PRKAR2B: variants seen among roughly 807,000 people sequenced by gnomAD.
PRKAR2B encodes the protein cAMP-dependent protein kinase type II-beta regulatory subunit.
PRKAR2B carries 14 observed loss-of-function variants against 49.9 expected under a neutral mutation model. The ratio of observed to expected loss-of-function variants is 0.28; its 90% CI spans 0.19 to 0.44. The LOEUF (loss-of-function observed/expected upper bound fraction) is 0.44, where lower values mean the gene tolerates loss of function less well. Ranked by LOEUF, PRKAR2B falls within the 20% of genes least tolerant of loss-of-function variation. PRKAR2B has a pLI of 1.00. For missense variants in PRKAR2B, 393 were observed against 537.9 expected (o/e 0.73, Z 2.67); for synonymous variants, 196 against 197.7 (o/e 0.99, Z 0.07).
intron 1 of PRKAR2B, among the ~76,000 whole-genome samples, chr7:107,056,303 T>G (rs1793909482): frequency 6.6e-6 from 1 of 152,202 alleles, no homozygotes; most frequent in Non-Finnish European, 1.5e-5. Context: ...ATTTGGGCTC[T>G]TTTTTGGTTC....
chr7:107,157,388 A>G (rs1270362391), intron 10 of PRKAR2B, 64 bp downstream of exon 10: 6 of 1,519,152 alleles, frequency 3.9e-6, no homozygotes, highest in Admixed American at 2.1e-5. Flanking sequence ...TTATGTATTC[A>G]TGTTGAGTGA....
intron 2 of PRKAR2B, among the ~76,000 whole-genome samples, chr7:107,118,014 A>G (rs889209163): frequency 6.6e-6 from 1 of 152,350 alleles, no homozygotes; most frequent in South Asian, 2.1e-4. Context: ...TGAATTGCCA[A>G]ACAAAAAGGA....
chr7:107,065,898 C>T (rs890429888), intron 1 of PRKAR2B, among the ~76,000 whole-genome samples: 7 of 152,188 alleles, frequency 4.6e-5, no homozygotes, highest in East Asian at 1.9e-4. Context: ...GAGACTTCTT[C>T]GGTTTATCCA....
chr7:107,076,980 CTTTTG>C (rs1794411306), intron 2 of PRKAR2B, among the ~76,000 whole-genome samples: 3 of 152,168 alleles, frequency 2.0e-5, no homozygotes, highest in East Asian at 1.9e-4. Flanking sequence ...CATATGCTTC[CTTTTG>C]TTTTGTTTGG....
intron 2 of PRKAR2B, among the ~76,000 whole-genome samples, chr7:107,079,297 C>T (rs967123272): frequency 2.6e-5 from 4 of 152,100 alleles, no homozygotes; most frequent in Non-Finnish European, 5.9e-5. Flanking sequence ...TGTATCTAAA[C>T]ACTGTTTTAC....
intron 1 of PRKAR2B, among the ~76,000 whole-genome samples, chr7:107,046,620 C>T (rs1429600434): frequency 6.6e-6 from 1 of 152,112 alleles, no homozygotes; most frequent in African/African-American, 2.4e-5. Context: ...AGAATCGAAT[C>T]AAAAGCTTTT....
intron 2 of PRKAR2B, chr7:107,077,777 A>G (rs575325854): frequency 6.6e-6 from 1 of 152,352 alleles, no homozygotes; most frequent in South Asian, 2.1e-4. Flanking sequence ...CTATCTACGT[A>G]TTAAAAGTGT....
At chr7:107,092,942 T>C (rs1794758379) in intron 2 of PRKAR2B, among the ~76,000 whole-genome samples, 2 of 152,232 alleles carry the variant, frequency 1.3e-5, no homozygotes, top group Non-Finnish European at 2.9e-5. Flanking sequence ...TTCAGTACTC[T>C]AGGTACCTCA....
intron 2 of PRKAR2B, among the ~76,000 whole-genome samples, chr7:107,102,494 C>G (rs1056183477): frequency 3.3e-5 from 5 of 152,178 alleles, no homozygotes; most frequent in African/African-American, 1.2e-4. Context: ...CGCTGTTGCT[C>G]TAATAAATTT....
At chr7:107,068,323 G>A (rs1346833410) in intron 1 of PRKAR2B, among the ~76,000 whole-genome samples, 2 of 152,096 alleles carry the variant, frequency 1.3e-5, no homozygotes, top group Non-Finnish European at 2.9e-5. Context: ...AAGGCTGAGA[G>A]AAGTTTTTAA....
rs1796180597 is a variant in PRKAR2B, at chr7:107,160,610, C to A, written c.*1028C>A. 6.6e-6 allele frequency: 1 copy of A among 152,272 alleles called. No individual in the cohort carries two copies. The highest frequency in any genetic ancestry group is 2.4e-5 in the African/African-American group (1 of 41,566). 9.4% of individuals were successfully genotyped at this position (152,272 alleles called of 1,614,324 possible). ...CTTAGGATGGTTGCCAACCCACAAT[C>A]TCATTGATCAGCAGCCAATATGGGT... On this transcript the variant is annotated 3_prime_UTR_variant, in exon 11 of 11. Coordinates refer to ENST00000265717, the MANE Select transcript of PRKAR2B (RefSeq NM_002736.3).
At chr7:107,102,762 C>T (rs910075942) in intron 2 of PRKAR2B, among the ~76,000 whole-genome samples, 3 of 152,184 alleles carry the variant, frequency 2.0e-5, no homozygotes, top group Non-Finnish European at 2.9e-5. Flanking sequence ...CCTCTGCCTC[C>T]GGGGTTCAGG....
At chr7:107,143,226 G>A (rs1795821615) in intron 5 of PRKAR2B, among the ~76,000 whole-genome samples, 1 of 152,222 alleles carries the variant, frequency 6.6e-6, no homozygotes, top group Non-Finnish European at 1.5e-5. Flanking sequence ...AAATCGAAGA[G>A]TTTAATCTGT....
chr7:107,135,030 A>G (rs1442973769), intron 4 of PRKAR2B, among the ~76,000 whole-genome samples: 1 of 152,152 alleles, frequency 6.6e-6, no homozygotes, highest in East Asian at 1.9e-4. Context: ...TATTTTAAAA[A>G]GTGAAGACAG....
At chr7:107,136,417 C>CA (rs1267718973) in intron 4 of PRKAR2B, among the ~76,000 whole-genome samples, 16 of 152,108 alleles carry the variant, frequency 1.1e-4, no homozygotes, top group Admixed American at 1.3e-4. Flanking sequence ...TTGCAAAAGA[C>CA]ACAGCTGATA....
At chr7:107,123,793 C>T (rs1205157809) in intron 3 of PRKAR2B, among the ~76,000 whole-genome samples, 1 of 152,184 alleles carries the variant, frequency 6.6e-6, no homozygotes, top group East Asian at 1.9e-4. Flanking sequence ...TCCCCTGTAA[C>T]ACCTTTTAAA....
intron 2 of PRKAR2B, among the ~76,000 whole-genome samples, chr7:107,073,345 C>T (rs1482393085): frequency 2.0e-5 from 3 of 152,108 alleles, no homozygotes; most frequent in Admixed American, 6.5e-5. Context: ...GGCCCACAAA[C>T]GTGTCAGTTT....
chr7:107,133,566 A>G (rs752605890), intron 4 of PRKAR2B: 49 of 152,216 alleles, frequency 3.2e-4, no homozygotes, highest in Admixed American at 2.4e-3. Context: ...TGTGGGGCCA[A>G]TTAGCACTAC....
chr7:107,135,486 G>C (rs1795681726), intron 4 of PRKAR2B, among the ~76,000 whole-genome samples: 1 of 152,060 alleles, frequency 6.6e-6, no homozygotes, highest in Non-Finnish European at 1.5e-5. Flanking sequence ...GTAGAAAATG[G>C]GAAAGGCTTC....
Sources: allele counts gnomAD v4.1 joint callset (sites outside exome capture counted in the v4.1 genomes callset), GRCh38; gene constraint gnomAD v4.1.1; transcripts MANE v1.5; gene names NCBI Gene and HGNC (gene_info 2026-07-23, HGNC 2026-07-21).